The following CLSTN2 variants were observed in gnomAD, a reference collection of about 807,000 sequenced individuals.
The protein encoded by CLSTN2 is calsyntenin-2.
Under a neutral mutation model 101.2 loss-of-function variants are expected in CLSTN2, and 48 were observed. That is an observed-to-expected ratio of 0.47 (90% CI 0.38 to 0.60). CLSTN2 has a LOEUF of 0.60. CLSTN2 is among the 20% of genes least tolerant of loss of function. The pLI is 0.00. For synonymous variants in CLSTN2, 481 were observed against 463.6 expected (o/e 1.04, Z -0.48); for missense variants, 1,160 against 1,238.2 (o/e 0.94, Z 0.95).
intron 2 of CLSTN2, among the ~76,000 whole-genome samples, chr3:140,342,316 G>T (rs1387010857): frequency 6.6e-6 from 1 of 152,118 alleles, no homozygotes; most frequent in Non-Finnish European, 1.5e-5. Context: ...ACTGAAAAAT[G>T]TATCCAGATT....
intron 1 of CLSTN2, among the ~76,000 whole-genome samples, chr3:139,951,456 T>C (rs997829227): frequency 3.3e-5 from 5 of 152,194 alleles, no homozygotes; most frequent in African/African-American, 1.2e-4. Context: ...CCATAGATCA[T>C]GTGCGAGAAC....
chr3:140,490,026 G>A (rs1202033734), intron 8 of CLSTN2, among the ~76,000 whole-genome samples: 3 of 264 alleles, frequency 0.011, no homozygotes, highest in Non-Finnish European at 0.017. Flanking sequence ...GTGTGTGTGT[G>A]TGTGTGTGTG....
At chr3:140,045,825 GT>G (rs1264459012) in intron 1 of CLSTN2, among the ~76,000 whole-genome samples, 1 of 152,236 alleles carries the variant, frequency 6.6e-6, no homozygotes, top group Non-Finnish European at 1.5e-5. Context: ...CAGTGGAGCG[GT>G]TTTGAGTGAG....
chr3:140,246,745 G>A (rs2086521358), intron 2 of CLSTN2, among the ~76,000 whole-genome samples: 1 of 152,154 alleles, frequency 6.6e-6, no homozygotes, highest in Admixed American at 6.5e-5. Context: ...GGGCAGGTAG[G>A]AAGGCAGGGG....
chr3:140,564,748 T>C (rs1048151619), intron 16 of CLSTN2, among the ~76,000 whole-genome samples: 3 of 152,184 alleles, frequency 2.0e-5, no homozygotes, highest in African/African-American at 7.2e-5. Flanking sequence ...AGAAGTAACA[T>C]ACTCAAATTA....
Position 140,057,782 on chromosome 3 carries a change from T to A in CLSTN2, c.110-118169T>A, listed in dbSNP as rs146095144. Among the ~76,000 whole-genome samples the A allele has an allele frequency of 7.7e-4, 118 of 152,340 alleles. 1 individual carries two copies. The highest frequency in any genetic ancestry group is 3.4e-3 in the Middle Eastern group (1 of 294). The stretch of plus-strand genomic sequence containing the variant: ...CTGCGGCTATAAGCTAATTATCAGA[T>A]ACAAAATATGGATCACAACTAATTA... On this transcript the variant is annotated intron_variant, in intron 1 of 16. Transcript: ENST00000458420.
intron 1 of CLSTN2, among the ~76,000 whole-genome samples, chr3:140,039,754 T>C (rs1046293596): frequency 6.6e-6 from 1 of 152,194 alleles, no homozygotes; most frequent in African/African-American, 2.4e-5. Context: ...TATAGATTTA[T>C]GTATGTATCT....
At chr3:139,945,556 T>A (rs2107808207) in intron 1 of CLSTN2, among the ~76,000 whole-genome samples, 1 of 152,346 alleles carries the variant, frequency 6.6e-6, no homozygotes, top group East Asian at 1.9e-4. Context: ...AGTTCTTTGA[T>A]GTGTAGCCTG....
intron 1 of CLSTN2, among the ~76,000 whole-genome samples, chr3:139,995,546 A>G (rs778360443): frequency 4.6e-5 from 7 of 152,080 alleles, no homozygotes; most frequent in Non-Finnish European, 1.0e-4. Flanking sequence ...GCAGTTCTGG[A>G]CATCTTGATG....
At chr3:140,498,052 T>C (rs186043549) in intron 8 of CLSTN2, among the ~76,000 whole-genome samples, 3 of 152,316 alleles carry the variant, frequency 2.0e-5, no homozygotes, top group South Asian at 4.1e-4. Flanking sequence ...GATATTTCGG[T>C]TGAAGGTGCT....
chr3:140,148,130 C>T (rs547145809), intron 1 of CLSTN2, among the ~76,000 whole-genome samples: 12 of 152,314 alleles, frequency 7.9e-5, no homozygotes, highest in Non-Finnish European at 1.6e-4. Context: ...CTCCCCACCA[C>T]CTGCTACAGC....
At chr3:140,537,806 T>C (rs1212263955) in intron 9 of CLSTN2, among the ~76,000 whole-genome samples, 1 of 152,196 alleles carries the variant, frequency 6.6e-6, no homozygotes, top group Non-Finnish European at 1.5e-5. Context: ...AATTGTATAC[T>C]CACATCTGCC....
chr3:140,392,059 T>C (rs1039421439), intron 2 of CLSTN2, among the ~76,000 whole-genome samples: 10 of 152,080 alleles, frequency 6.6e-5, no homozygotes, highest in African/African-American at 2.2e-4. Flanking sequence ...AAGAGAATAA[T>C]TTTATAGTTA....
At chr3:140,188,690 A>T (rs916017551) in intron 2 of CLSTN2, among the ~76,000 whole-genome samples, 1 of 152,162 alleles carries the variant, frequency 6.6e-6, no homozygotes, top group Non-Finnish European at 1.5e-5. Context: ...ATTTTTTAAG[A>T]AAGTTGTTTT....
chr3:140,080,738 C>T lies in CLSTN2; in HGVS notation c.110-95213C>T, dbSNP rs550920832. Among the ~76,000 whole-genome samples, 5 of 152,280 alleles carry T rather than the reference C, an allele frequency of 3.3e-5. No homozygotes were observed. In the South Asian group the frequency reaches 6.2e-4, roughly 19 times the overall value. On this transcript the variant is annotated intron_variant, in intron 1 of 16. Coordinates refer to ENST00000458420, the MANE Select transcript of CLSTN2 (RefSeq NM_022131.3). ...ATCAATGAGGACTCCAGGAAACCAC[C>T]GCCCCAAACACCCTCCAATCAGTCC...
chr3:140,419,574 CAT>C lies in CLSTN2; in HGVS notation c.638-1545_638-1544del, dbSNP rs1403973694. ...ACGTGTACGTATATATGTATATATA[CAT>C]ATATACGTGTACGTATATATGTATA... On this transcript the variant is annotated intron_variant, in intron 4 of 16. Coordinates refer to ENST00000458420, the MANE Select transcript of CLSTN2 (RefSeq NM_022131.3). Among the ~76,000 whole-genome samples the C allele has an allele frequency of 4.4e-4, 24 of 54,964 alleles. 8 individuals are homozygous for C. Among genetic ancestry groups the C allele is most frequent in the Non-Finnish European group, 6.2e-4 (22 of 35,344 alleles). 36.1% of individuals were successfully genotyped at this position (54,964 alleles called of 152,430 possible).
chr3:140,406,013 T>C (rs1023585103), intron 4 of CLSTN2, among the ~76,000 whole-genome samples: 85 of 58,900 alleles, frequency 1.4e-3, no homozygotes, highest in Non-Finnish European at 3.0e-3. Flanking sequence ...CCTGTCCACA[T>C]ACAGCTCATC....
chr3:140,043,956 C>A (rs879954113), intron 1 of CLSTN2, among the ~76,000 whole-genome samples: 5 of 152,138 alleles, frequency 3.3e-5, no homozygotes, highest in Non-Finnish European at 5.9e-5. Flanking sequence ...AGTCAGGTAG[C>A]GTGATGCCTC....
intron 1 of CLSTN2, among the ~76,000 whole-genome samples, chr3:140,085,776 G>T (rs1355112057): frequency 6.6e-6 from 1 of 152,150 alleles, no homozygotes; most frequent in African/African-American, 2.4e-5. Flanking sequence ...GGGAAAACTT[G>T]CCTCTGCAGA....
Sources: allele counts gnomAD v4.1 joint callset (sites outside exome capture counted in the v4.1 genomes callset), GRCh38; gene constraint gnomAD v4.1.1; transcripts MANE v1.5; gene names NCBI Gene and HGNC (gene_info 2026-07-23, HGNC 2026-07-21).